CALN1: variants seen among roughly 807,000 people sequenced by gnomAD.
CALN1 encodes the protein calcium-binding protein 8.
CALN1 carries 17 observed loss-of-function variants against 30.6 expected under a neutral mutation model. The ratio of observed to expected loss-of-function variants is 0.56; its 90% CI spans 0.38 to 0.83. CALN1 has a LOEUF of 0.83. Ranked by LOEUF, CALN1 falls within the 40% of genes least tolerant of loss-of-function variation. The probability of loss-of-function intolerance (pLI) is 0.00; values close to 1 mark genes in which losing one functional copy is unlikely to be tolerated. For synonymous variants in CALN1, 156 were observed against 131.4 expected, an observed-to-expected ratio of 1.19 and a Z score of -1.28; for missense variants, 291 against 354.9, an observed-to-expected ratio of 0.82 and a Z score of 1.45.
intron 2 of CALN1, among the ~76,000 whole-genome samples, chr7:72,379,755 T>C (rs770357808): frequency 2.0e-5 from 3 of 152,380 alleles, no homozygotes; most frequent in South Asian, 2.1e-4. Context: ...GCATTCTATC[T>C]GTCTAATCCA....
chr7:72,027,743 AC>A (rs1801164692), intron 4 of CALN1, among the ~76,000 whole-genome samples: 1 of 149,842 alleles, frequency 6.7e-6, no homozygotes, highest in African/African-American at 2.5e-5. Flanking sequence ...ACACACACAC[AC>A]ACACACACAC....
intron 2 of CALN1, among the ~76,000 whole-genome samples, chr7:72,312,221 T>A (rs1800100189): frequency 6.6e-6 from 1 of 151,880 alleles, no homozygotes; most frequent in South Asian, 2.1e-4. Flanking sequence ...CTAGCCAACA[T>A]GGTGAAACCC....
chr7:72,361,621 C>T (rs1349287679), intron 2 of CALN1, among the ~76,000 whole-genome samples: 6 of 152,288 alleles, frequency 3.9e-5, no homozygotes, highest in Admixed American at 6.5e-5. Context: ...AATGATACCA[C>T]GTTTACATTC....
At chr7:72,083,417 A>G (rs944343827) in intron 4 of CALN1, among the ~76,000 whole-genome samples, 2 of 151,438 alleles carry the variant, frequency 1.3e-5, no homozygotes, top group Non-Finnish European at 1.5e-5. Context: ...CCATCTCTAC[A>G]AAAATTGTGT....
At chr7:72,338,888 T>C (rs1454058306) in intron 2 of CALN1, among the ~76,000 whole-genome samples, 1 of 151,850 alleles carries the variant, frequency 6.6e-6, no homozygotes, top group Non-Finnish European at 1.5e-5. Context: ...TAATAGGTCT[T>C]ATTCATTCTA....
chr7:72,420,845 T>G (rs1397322608), intron 1 of CALN1, among the ~76,000 whole-genome samples: 1 of 152,020 alleles, frequency 6.6e-6, no homozygotes, highest in Non-Finnish European at 1.5e-5. Context: ...GGTCTCGATC[T>G]CCTAGTGATC....
At chr7:72,473,300 G>T in the CALN1 span, among the ~76,000 whole-genome samples, 1 of 151,802 alleles carries the variant, frequency 6.6e-6, no homozygotes, top group African/African-American at 2.4e-5. Context: ...CAGGTCTCAG[G>T]TGCCGAGGTC....
chr7:72,281,503 A>G (rs748246319), intron 2 of CALN1, among the ~76,000 whole-genome samples: 6 of 152,190 alleles, frequency 3.9e-5, no homozygotes, highest in Non-Finnish European at 8.8e-5. Context: ...TTAAGTCTTC[A>G]TAAACATGGG....
Position 72,097,393 on chromosome 7 carries a change from T to C in CALN1, c.388+8758A>G, listed in dbSNP as rs144523631. Among the ~76,000 whole-genome samples, 358 of 152,298 alleles carry C rather than the reference T, an allele frequency of 2.4e-3. 2 individuals carry two copies. In the Middle Eastern group the frequency reaches 0.024, roughly 10 times the overall value. ...CAAGCCTTTATTCCCCAGTGAATGA[T>C]GCAGGAAGCTCTGAGATCACCCAAA... is the stretch of plus-strand genomic sequence containing the variant. On this transcript the variant is annotated intron_variant, in intron 4 of 6. Coordinates refer to ENST00000395275, the MANE Select transcript of CALN1 (RefSeq NM_031468.4).
rs1263238925 is a variant in CALN1, at chr7:72,372,160, CTTTCT to C, written c.119+31086_119+31090del. On this transcript the variant is annotated intron_variant, in intron 2 of 6. Coordinates refer to ENST00000395275, the MANE Select transcript of CALN1 (RefSeq NM_031468.4). Reference sequence around the variant, plus strand: ...ATGTGAAAATCCCCTATGATTATTTCTTTCTTTTCCTTTTCTCTATCATCTTGCAC... The same window carrying C: ...ATGTGAAAATCCCCTATGATTATTTCTTTCCTTTTCTCTATCATCTTGCAC... Among the ~76,000 whole-genome samples the C allele has an allele frequency of 2.0e-5, 3 of 152,124 alleles. No individual in the cohort carries two copies. In the South Asian group the frequency reaches 6.2e-4, roughly 32 times the overall value.
intron 4 of CALN1, among the ~76,000 whole-genome samples, chr7:72,056,476 A>G (rs1209893851): frequency 6.6e-6 from 1 of 152,172 alleles, no homozygotes. Flanking sequence ...AAAGACAGGT[A>G]AAGAACTTGA....
intron 3 of CALN1, among the ~76,000 whole-genome samples, chr7:72,265,365 A>G (rs1444224696): frequency 6.6e-6 from 1 of 152,144 alleles, no homozygotes. Context: ...CATGTTGCTA[A>G]TATCAAATTC....
At chr7:72,324,324 C>T (rs1339091963) in intron 2 of CALN1, among the ~76,000 whole-genome samples, 1 of 152,106 alleles carries the variant, frequency 6.6e-6, no homozygotes, top group Non-Finnish European at 1.5e-5. Context: ...CCAGAAAGGT[C>T]TGTTTCCTGA....
intron 5 of CALN1, among the ~76,000 whole-genome samples, chr7:71,872,391 A>G (rs2116743877): frequency 6.6e-6 from 1 of 152,266 alleles, no homozygotes; most frequent in East Asian, 1.9e-4. Flanking sequence ...ATCTGTCCTT[A>G]TTTTAACTTA....
Position 72,184,695 on chromosome 7 carries a change from G to T in CALN1, c.245-78401C>A, listed in dbSNP as rs898299351. Among the ~76,000 whole-genome samples, 3 of 152,060 alleles carry T rather than the reference G, an allele frequency of 2.0e-5. No homozygotes were observed. In the East Asian group the frequency reaches 5.8e-4, roughly 29 times the overall value. On this transcript the variant is annotated intron_variant, in intron 3 of 6. Transcript: ENST00000395275. ...TGTTCCATTTTGCAGGAAAACACTC[G>T]AATTTATTTCAGAGCTCCAAAGGGG...
At chr7:72,393,328 G>A (rs1247912344) in intron 2 of CALN1, among the ~76,000 whole-genome samples, 3 of 152,012 alleles carry the variant, frequency 2.0e-5, no homozygotes, top group Non-Finnish European at 4.4e-5. Flanking sequence ...GCCGGGCATG[G>A]TGGCGGGCAC....
chr7:71,959,301 T>A (rs1352603664), intron 5 of CALN1, among the ~76,000 whole-genome samples: 1 of 152,174 alleles, frequency 6.6e-6, no homozygotes, highest in East Asian at 1.9e-4. Context: ...AGTTCTGAAG[T>A]TTGGACAAGT....
At chr7:72,399,766 C>T (rs745398551) in intron 2 of CALN1, among the ~76,000 whole-genome samples, 5 of 152,174 alleles carry the variant, frequency 3.3e-5, no homozygotes, top group Non-Finnish European at 5.9e-5. Context: ...TATTTGTCCC[C>T]TCCAAATCTC....
chr7:72,286,196 A>G (rs1380585056), intron 2 of CALN1, among the ~76,000 whole-genome samples: 1 of 152,208 alleles, frequency 6.6e-6, no homozygotes, highest in East Asian at 1.9e-4. Flanking sequence ...GGACTTAGGG[A>G]TGACCAACCA....
Sources: gnomAD v4.1 joint callset for allele counts (sites outside exome capture counted in the v4.1 genomes callset) on GRCh38, gnomAD v4.1.1 for gene constraint, MANE v1.5 for transcripts, NCBI Gene and HGNC (gene_info 2026-07-23, HGNC 2026-07-21) for gene names.